PRKAR1B: variants seen among roughly 807,000 people sequenced by gnomAD.
The protein encoded by PRKAR1B is cAMP-dependent protein kinase type I-beta regulatory subunit.
PRKAR1B carries 22 observed loss-of-function variants against 46.5 expected under a neutral mutation model. That is an observed-to-expected ratio of 0.47 (90% CI 0.34 to 0.68). PRKAR1B has a LOEUF of 0.68. PRKAR1B is among the 30% of genes least tolerant of loss of function. The probability of loss-of-function intolerance (pLI) is 0.01; values close to 1 mark genes in which losing one functional copy is unlikely to be tolerated. For synonymous variants in PRKAR1B, 259 were observed against 217.7 expected (o/e 1.19, Z -1.67); for missense variants, 445 against 535.6 (o/e 0.83, Z 1.67).
At chr7:555,116 G>A (rs1778346812) in intron 9 of PRKAR1B, among the ~76,000 whole-genome samples, 1 of 151,936 alleles carries the variant, frequency 6.6e-6, no homozygotes. Context: ...GAAACTCCTG[G>A]AAACATCCCC....
At chr7:648,440 C>G (rs904042321) in intron 4 of PRKAR1B, among the ~76,000 whole-genome samples, 4 of 151,678 alleles carry the variant, frequency 2.6e-5, no homozygotes, top group Non-Finnish European at 5.9e-5. Context: ...GGCAAAACTC[C>G]ATCTCTACAA....
In PRKAR1B at chr7:583,570, GCA is replaced by G. The variant is rs777158565; in HGVS notation, c.769+936_769+937del. Among the ~76,000 whole-genome samples the G allele has an allele frequency of 1.3e-3, 72 of 56,258 alleles. 1 individual carries two copies. Among genetic ancestry groups the G allele is most frequent in the African/African-American group, 4.7e-3 (55 of 11,772 alleles). 36.9% of individuals were successfully genotyped at this position (56,258 alleles called of 152,430 possible). On this transcript the variant is annotated intron_variant, in intron 8 of 10. Transcript: ENST00000537384. The stretch of plus-strand genomic sequence containing the variant: ...GCCAAACACATGCGTGCACACCCAT[GCA>G]CACACACTTGCACACTCCCAGGTGC...
intron 9 of PRKAR1B, among the ~76,000 whole-genome samples, chr7:563,935 G>A (rs1778978602): frequency 6.6e-6 from 1 of 152,126 alleles, no homozygotes; most frequent in African/African-American, 2.4e-5. Context: ...GCGTTGGTGT[G>A]CATGGGTGCA....
At chr7:626,647 A>G (rs1783418421) in intron 4 of PRKAR1B, among the ~76,000 whole-genome samples, 1 of 152,158 alleles carries the variant, frequency 6.6e-6, no homozygotes, top group African/African-American at 2.4e-5. Context: ...AAATAATTCT[A>G]TGAGGACAGC....
intron 2 of PRKAR1B, among the ~76,000 whole-genome samples, chr7:710,479 G>T (rs535698352): frequency 6.6e-6 from 1 of 152,042 alleles, no homozygotes; most frequent in Non-Finnish European, 1.5e-5. Context: ...GGCCAGGAAG[G>T]GGGTGAGAGG....
chr7:571,769 C>A (rs1050488391), intron 9 of PRKAR1B, among the ~76,000 whole-genome samples: 3 of 152,154 alleles, frequency 2.0e-5, no homozygotes, highest in Admixed American at 6.5e-5. Context: ...GCGCAGGGAA[C>A]CTGAGATGGT....
At chr7:694,623 C>A (rs1779623488) in intron 2 of PRKAR1B, among the ~76,000 whole-genome samples, 1 of 152,202 alleles carries the variant, frequency 6.6e-6, no homozygotes, top group South Asian at 2.1e-4. Flanking sequence ...CCCCCACCCA[C>A]CTCCAGTGCA....
intron 3 of PRKAR1B, 82 bp from the exon 4 acceptor site, chr7:677,402 T>C: frequency 8.6e-7 from 1 of 1,162,334 alleles, no homozygotes. Context: ...TACTCCACCC[T>C]CAGCCTGCTG....
chr7:699,327 C>A (rs979760996), intron 2 of PRKAR1B, among the ~76,000 whole-genome samples: 11 of 152,210 alleles, frequency 7.2e-5, no homozygotes, highest in African/African-American at 2.7e-4. Context: ...CAAAGCACCA[C>A]GTGCCATATC....
intron 4 of PRKAR1B, among the ~76,000 whole-genome samples, chr7:670,986 C>T (rs1436384668): frequency 6.6e-6 from 1 of 152,240 alleles, no homozygotes; most frequent in East Asian, 1.9e-4. Context: ...GCTTTCCCGA[C>T]CTCGGCGCTC....
At chr7:681,188 C>T (rs1778663690) in intron 2 of PRKAR1B, among the ~76,000 whole-genome samples, 1 of 152,096 alleles carries the variant, frequency 6.6e-6, no homozygotes, top group Admixed American at 6.5e-5. Context: ...CTGCTGCCTT[C>T]TGCTATGATC....
At chr7:614,964 C>A (rs1782719085) in intron 4 of PRKAR1B, among the ~76,000 whole-genome samples, 1 of 152,090 alleles carries the variant, frequency 6.6e-6, no homozygotes, top group African/African-American at 2.4e-5. Flanking sequence ...GTGGTCCCAG[C>A]TACTCGGGAG....
intron 6 of PRKAR1B, among the ~76,000 whole-genome samples, chr7:597,498 G>A (rs1781331304): frequency 6.6e-6 from 1 of 152,160 alleles, no homozygotes; most frequent in African/African-American, 2.4e-5. Context: ...AGGATTACGG[G>A]GCAGAAGAAA....
intron 9 of PRKAR1B, among the ~76,000 whole-genome samples, chr7:559,562 G>A (rs557042728): frequency 1.2e-4 from 18 of 152,304 alleles, no homozygotes; most frequent in Non-Finnish European, 2.2e-4. Flanking sequence ...GCCCAGGCCC[G>A]CTGTGCTCAT....
rs951419663 is a variant in PRKAR1B at position 723,573 on chromosome 7, C to T, written c.-23+3637G>A. On this transcript the variant is annotated intron_variant, in intron 1 of 10. Coordinates refer to ENST00000537384, the MANE Select transcript of PRKAR1B (RefSeq NM_001164760.2). ...GGAGGAGCAAGGAAAAGTGAAGTCC[C>T]ACCACCGTAATTCAAGCGCTTATTC... Among the ~76,000 whole-genome samples the T allele has an allele frequency of 1.8e-4, 28 of 152,288 alleles. No homozygotes were observed. The Middle Eastern group carries it at 0.01, about 55-fold the overall frequency.
chr7:564,296 A>T lies in PRKAR1B; in HGVS notation c.892-12826T>A, dbSNP rs901117512. Among the ~76,000 whole-genome samples the T allele has an allele frequency of 2.6e-5, 4 of 152,252 alleles. No individual in the cohort carries two copies. The South Asian group carries it at 6.2e-4, about 24-fold the overall frequency. On this transcript the variant is annotated intron_variant, in intron 9 of 10. Coordinates refer to ENST00000537384, the MANE Select transcript of PRKAR1B (RefSeq NM_001164760.2). ...AGGCCGCCGCCCCCAGCGTCAGCCC[A>T]TCCAGCCTCAGGCCTCCTCCCAGGT...
intron 4 of PRKAR1B, among the ~76,000 whole-genome samples, chr7:619,247 C>T (rs1782988178): frequency 6.6e-6 from 1 of 152,224 alleles, no homozygotes; most frequent in Non-Finnish European, 1.5e-5. Context: ...GATCCCCACA[C>T]ACAGCCCTCA....
chr7:550,454 G>A lies in PRKAR1B; in HGVS notation c.1122C>T (p.Asn374=). The A allele has an allele frequency of 6.3e-7, 1 of 1,595,544 alleles. No homozygotes were observed. Among genetic ancestry groups the A allele is most frequent in the Non-Finnish European group, 8.5e-7 (1 of 1,171,612 alleles). The change falls in exon 11 of 11, where the codon AAC becomes AAT. Residue 374 remains asparagine (N), a synonymous_variant. Coordinates refer to ENST00000537384, the MANE Select transcript of PRKAR1B (RefSeq NM_001164760.2). The part of the protein sequence containing the change: ...EILKRNIQRY[N]SFISLTV ...CTCAGACGGTGAGGGAGATGAAGCT[G>A]TTGTAACGCTGAATGTTCCTCTTGA...
At chr7:688,209 T>C (rs1259282056) in intron 2 of PRKAR1B, among the ~76,000 whole-genome samples, 1 of 151,254 alleles carries the variant, frequency 6.6e-6, no homozygotes, top group Non-Finnish European at 1.5e-5. Flanking sequence ...GAGACCAACC[T>C]GGTTAACATG....
Sources: allele counts gnomAD v4.1 joint callset (sites outside exome capture counted in the v4.1 genomes callset), GRCh38; gene constraint gnomAD v4.1.1; transcripts MANE v1.5; gene names NCBI Gene and HGNC (gene_info 2026-07-23, HGNC 2026-07-21).